KDM4E: variants seen among roughly 807,000 people sequenced by gnomAD.
KDM4E encodes lysine-specific demethylase 4E.
For missense variants in KDM4E, 576 were observed against 642.6 expected, an observed-to-expected ratio of 0.90 and a Z score of 1.12; for synonymous variants, 229 against 232.9, an observed-to-expected ratio of 0.98 and a Z score of 0.15.
rs1858269837 is a variant in KDM4E at position 95,026,533 on chromosome 11, C to T, written c.976C>T (p.Gln326Ter). 1.3e-6 allele frequency: 2 copies of T among 1,557,550 alleles called. No individual in the cohort carries two copies. The highest frequency in any genetic ancestry group is 1.7e-6 in the Non-Finnish European group (2 of 1,157,280). Residue 326 changes from glutamine (Q) to a stop codon, truncating the protein, a stop_gained, in exon 1 of 1, where the codon CAA (glutamine) becomes TAA (stop). Coordinates refer to ENST00000450979, the MANE Select transcript of KDM4E (RefSeq NM_001161630.1). LOFTEE classifies it low-confidence loss of function (END_TRUNC). ...CATGGACCCCTTTGTGCGCATTGTG[C>T]AACCCGAGAGTTATGAGCTCTGGAA... ...FSMDPFVRIV[Q>*]PESYELWKHR...
chr11:95,026,726 A>T lies in KDM4E; in HGVS notation c.1169A>T (p.His390Leu). The T allele has an allele frequency of 6.5e-7, 1 of 1,537,262 alleles. No individual in the cohort carries two copies. The highest frequency in any genetic ancestry group is 8.7e-7 in the Non-Finnish European group (1 of 1,146,902). ...CCCACACAGCCTGTGTCCTCAGGGC[A>T]CTGTTACAACCCAAAAGGCTGTGGC... ...QCPTQPVSSGHCYNPKGCGTD... is the reference protein window; with the variant it reads ...QCPTQPVSSGLCYNPKGCGTD... The change falls in exon 1 of 1, where the codon CAC becomes CTC. Residue 390 changes from histidine to leucine, a missense_variant. Physicochemically the swap from His to Leu is moderately conservative, Grantham distance 99 (BLOSUM62 -3). Transcript: ENST00000450979.
In KDM4E at chr11:95,026,814, T is replaced by C. The variant is rs1163242077; in HGVS notation, c.1257T>C (p.Leu419=). The part of the protein sequence containing the change: ...SSAYHTQTQS[L]TLGMSARVLL... ...CATATCATACCCAGACCCAGTCACT[T>C]ACCCTGGGGATGTCAGCCAGGGTTC... The change falls in exon 1 of 1, where the codon CTT becomes CTC. Residue 419 remains leucine (L), a synonymous_variant. Transcript: ENST00000450979. 21 of 1,537,136 alleles carry C rather than the reference T, an allele frequency of 1.4e-5. No individual in the cohort carries two copies. The highest frequency in any genetic ancestry group is 8.2e-5 in the African/African-American group (6 of 73,042).
In KDM4E at chr11:95,027,513, T is replaced by C; in HGVS notation, c.*435T>C. On this transcript the variant is annotated 3_prime_UTR_variant, in exon 1 of 1. Coordinates refer to ENST00000450979, the MANE Select transcript of KDM4E (RefSeq NM_001161630.1). ...CTGGATCCACGGCTATGGAATATGG[T>C]GACAAATGTCAGTGTCTCTCTTATT... is the stretch of plus-strand genomic sequence containing the variant. 5.9e-6 allele frequency: 1 copy of C among 170,374 alleles called. No homozygotes were observed. Among genetic ancestry groups the C allele is most frequent in the Non-Finnish European group, 1.3e-5 (1 of 77,260 alleles). 10.6% of individuals were successfully genotyped at this position (170,374 alleles called of 1,614,324 possible).
In KDM4E at chr11:95,026,350, G is replaced by T. The variant is rs781844599; in HGVS notation, c.793G>T (p.Ala265Ser). 12 of 1,614,114 alleles carry T rather than the reference G, an allele frequency of 7.4e-6. No individual in the cohort carries two copies. In the East Asian group the frequency reaches 1.6e-4, roughly 21 times the overall value. Residue 265 changes from alanine (A) to serine (S), a missense_variant, in exon 1 of 1, where the codon GCT becomes TCT. Physicochemically the swap from Ala to Ser is moderately conservative, Grantham distance 99. Coordinates refer to ENST00000450979, the MANE Select transcript of KDM4E (RefSeq NM_001161630.1). ...TCCCTTCAATTGCATGACTCAGGAG[G>T]CTGGGGAGTTCATGGTGACCTTTCC... is the stretch of plus-strand genomic sequence containing the variant. ...GIPFNCMTQE[A>S]GEFMVTFPYG...
chr11:95,025,813 T>C lies in KDM4E; in HGVS notation c.256T>C (p.Tyr86His), dbSNP rs782225580. The C allele has an allele frequency of 4.4e-6, 7 of 1,592,056 alleles. No individual in the cohort carries two copies. The highest frequency in any genetic ancestry group is 4.0e-5 in the African/African-American group (3 of 74,184). ...TSGQGGVFTQ[Y>H]HKKKKAMRVG... The stretch of plus-strand genomic sequence containing the variant: ...TGGGCAGGGAGGTGTGTTTACTCAA[T>C]ACCATAAAAAGAAGAAAGCCATGAG... The change falls in exon 1 of 1, where the codon TAC (tyrosine) becomes CAC (histidine). Residue 86 changes from tyrosine to histidine, a missense_variant. Coordinates refer to ENST00000450979, the MANE Select transcript of KDM4E (RefSeq NM_001161630.1).
Position 95,026,121 on chromosome 11 carries a change from GCA to G in KDM4E, c.569_570del (p.Thr190ArgfsTer46), listed in dbSNP as rs1262106216. On this transcript the variant is annotated frameshift_variant, in exon 1 of 1. Coordinates refer to ENST00000450979, the MANE Select transcript of KDM4E (RefSeq NM_001161630.1). LOFTEE classifies it low-confidence loss of function (END_TRUNC). ...GCATGTGGAAGACCACGTTTGCCTG[GCA>G]CACAGAGGACATGGACCTTTACAGC... ...FGMWKTTFAW[H>X]TEDMDLYSIN... is the part of the protein sequence containing the mutation. 2 of 1,613,966 alleles carry G rather than the reference GCA, an allele frequency of 1.2e-6. No individual in the cohort carries two copies. The highest frequency in any genetic ancestry group is 2.7e-5 in the African/African-American group (2 of 74,920).
Position 95,026,767 on chromosome 11 carries a change from G to A in KDM4E, c.1210G>A (p.Gly404Arg), listed in dbSNP as rs1354228343. The change falls in exon 1 of 1, where the codon GGA (glycine) becomes AGA (arginine). Residue 404 changes from glycine to arginine, a missense_variant. Coordinates refer to ENST00000450979, the MANE Select transcript of KDM4E (RefSeq NM_001161630.1). ...AGGCTGTGGCACTGATGCTGTGCCT[G>A]GATCCGCATTCCAAAGCTCTGCATA... The part of the protein sequence containing the change: ...PKGCGTDAVP[G>R]SAFQSSAYHT... 1.3e-6 allele frequency: 2 copies of A among 1,537,258 alleles called. No homozygotes were observed. The highest frequency in any genetic ancestry group is 2.4e-5 in the South Asian group (2 of 84,066).
chr11:95,027,224 T>C lies in KDM4E; in HGVS notation c.*146T>C. On this transcript the variant is annotated 3_prime_UTR_variant, in exon 1 of 1. Transcript: ENST00000450979. ...TCAACAGCACTACTAGTAATCTCCCTGATGTTGTCTGCATGACTCCTCCCA... is the reference window on the plus strand; with the variant it reads ...TCAACAGCACTACTAGTAATCTCCCCGATGTTGTCTGCATGACTCCTCCCA... The C allele has an allele frequency of 9.1e-7, 1 of 1,104,430 alleles. No homozygotes were observed. Among genetic ancestry groups the C allele is most frequent in the South Asian group, 1.7e-5 (1 of 60,290 alleles). The allele number at this position is 1,104,430 out of a possible 1,614,324, so 68.4% of individuals were successfully genotyped here.
In KDM4E at chr11:95,025,293, A is replaced by AC; in HGVS notation, c.-260dup. 1 of 413,132 alleles carries AC rather than the reference A, an allele frequency of 2.4e-6. No homozygotes were observed. The highest frequency in any genetic ancestry group is 4.2e-6 in the Non-Finnish European group (1 of 236,172). 25.6% of individuals were successfully genotyped at this position (413,132 alleles called of 1,614,324 possible). On this transcript the variant is annotated 5_prime_UTR_variant, in exon 1 of 1. Transcript: ENST00000450979. ...GAATCAGGAGAAGCCTCACAGTGAC[A>AC]CCCCCAACTGAGGAAACTCACAGAG...
chr11:95,027,453 T>A lies in KDM4E; in HGVS notation c.*375T>A, dbSNP rs1858285827. On this transcript the variant is annotated 3_prime_UTR_variant, in exon 1 of 1. Transcript: ENST00000450979. ...TCTGCTGGGTCTAAAGACACTGAGT[T>A]TAGGGATATTTTCCTCCAATACATG... The A allele has an allele frequency of 4.6e-6, 1 of 219,670 alleles. No homozygotes were observed. Among genetic ancestry groups the A allele is most frequent in the Admixed American group, 5.1e-5 (1 of 19,746 alleles). The allele number at this position is 219,670 out of a possible 1,614,324, so 13.6% of individuals were successfully genotyped here. A position where few individuals can be genotyped will look rare whatever the true frequency, so the allele number is the denominator to read the frequency against.
In KDM4E at chr11:95,026,603, T is replaced by C; in HGVS notation, c.1046T>C (p.Val349Ala). The change falls in exon 1 of 1, where the codon GTT (valine) becomes GCT (alanine). Residue 349 changes from valine to alanine, a missense_variant. Physicochemically the swap from Val to Ala is moderately conservative, Grantham distance 64. Transcript: ENST00000450979. ...LAIVEHTEPR[V>A]AESQELSNWR... ...ATTGTGGAACACACAGAGCCCAGGGTTGCAGAAAGCCAAGAGCTGAGCAAC... is the reference window on the plus strand; with the variant it reads ...ATTGTGGAACACACAGAGCCCAGGGCTGCAGAAAGCCAAGAGCTGAGCAAC... 1 of 1,537,290 alleles carries C rather than the reference T, an allele frequency of 6.5e-7. No homozygotes were observed. The highest frequency in any genetic ancestry group is 8.7e-7 in the Non-Finnish European group (1 of 1,146,956).
rs1345422666 is a variant in KDM4E, at chr11:95,027,468, T to A, written c.*390T>A. ...GACACTGAGTTTAGGGATATTTTCC[T>A]CCAATACATGATCAATCCTCTGGAT... On this transcript the variant is annotated 3_prime_UTR_variant, in exon 1 of 1. Transcript: ENST00000450979. The A allele has an allele frequency of 4.9e-6, 1 of 203,908 alleles. No homozygotes were observed. The highest frequency in any genetic ancestry group is 1.0e-5 in the Non-Finnish European group (1 of 99,240). The allele number at this position is 203,908 out of a possible 1,614,324, so 12.6% of individuals were successfully genotyped here. A position where few individuals can be genotyped will look rare whatever the true frequency, so the allele number is the denominator to read the frequency against.
chr11:95,026,546 A>C lies in KDM4E; in HGVS notation c.989A>C (p.Tyr330Ser), dbSNP rs1555102910. 1 of 1,546,878 alleles carries C rather than the reference A, an allele frequency of 6.5e-7. No individual in the cohort carries two copies. ...PFVRIVQPESYELWKHRQDLA... is the reference protein window; with the variant it reads ...PFVRIVQPESSELWKHRQDLA... ...GTGCGCATTGTGCAACCCGAGAGTT[A>C]TGAGCTCTGGAAACACAGGCAAGAC... The change falls in exon 1 of 1, where the codon TAT (tyrosine) becomes TCT (serine). Residue 330 changes from tyrosine (Y) to serine (S), a missense_variant. By Grantham distance (144) the Tyr-to-Ser change is moderately radical. Coordinates refer to ENST00000450979, the MANE Select transcript of KDM4E (RefSeq NM_001161630.1).
chr11:95,025,838 G>C lies in KDM4E; in HGVS notation c.281G>C (p.Arg94Thr), dbSNP rs1007426611. Residue 94 changes from arginine to threonine, a missense_variant, in exon 1 of 1, where the codon AGG (arginine) becomes ACG (threonine). By Grantham distance (71) the Arg-to-Thr change is moderately conservative. Transcript: ENST00000450979. Reference sequence around the variant, plus strand: ...TACCATAAAAAGAAGAAAGCCATGAGGGTGGGGCAGTATCGCCGCTTGGCA... The same window carrying C: ...TACCATAAAAAGAAGAAAGCCATGACGGTGGGGCAGTATCGCCGCTTGGCA... ...TQYHKKKKAM[R>T]VGQYRRLANS... The C allele has an allele frequency of 6.3e-7, 1 of 1,595,052 alleles. No individual in the cohort carries two copies. Among genetic ancestry groups the C allele is most frequent in the Non-Finnish European group, 8.5e-7 (1 of 1,176,240 alleles).
At position 95,026,172 on chromosome 11, in the gene KDM4E, G is replaced by C. The variant is rs2134129599; in HGVS notation, c.615G>C (p.Glu205Asp). Residue 205 changes from glutamate to aspartate, a missense_variant, in exon 1 of 1, where the codon GAG becomes GAC. By Grantham distance (45) the Glu-to-Asp change is conservative. Transcript: ENST00000450979. ...LYSINYLHFGEPKTWYVVPPE... is the reference protein window; with the variant it reads ...LYSINYLHFGDPKTWYVVPPE... ...GCATCAACTACCTGCACTTTGGGGA[G>C]CCCAAAACTTGGTACGTGGTGCCCC... The C allele has an allele frequency of 6.2e-7, 1 of 1,614,170 alleles. No homozygotes were observed. The highest frequency in any genetic ancestry group is 1.3e-5 in the African/African-American group (1 of 75,042).
rs1488649061 is a variant in KDM4E at position 95,026,836 on chromosome 11, GTTC to G, written c.1284_1286del (p.Leu429del). 24 of 1,537,132 alleles carry G rather than the reference GTTC, an allele frequency of 1.6e-5. No homozygotes were observed. The highest frequency in any genetic ancestry group is 1.9e-5 in the Non-Finnish European group (22 of 1,146,912). On this transcript the variant is annotated inframe_deletion, in exon 1 of 1. Transcript: ENST00000450979. The stretch of plus-strand genomic sequence containing the variant: ...ACTTACCCTGGGGATGTCAGCCAGG[GTTC>G]TTCTCCCTTCCACTGGAAGCTGGGG...
Position 95,027,372 on chromosome 11 carries a change from G to C in KDM4E, c.*294G>C. On this transcript the variant is annotated 3_prime_UTR_variant, in exon 1 of 1. Transcript: ENST00000450979. The stretch of plus-strand genomic sequence containing the variant: ...GCTGTAGCAATGGACCACTTTTACG[G>C]CTCTAGGGTTCTGACTCCAACTAAG... The C allele has an allele frequency of 2.4e-6, 1 of 413,462 alleles. No individual in the cohort carries two copies. Among genetic ancestry groups the C allele is most frequent in the Non-Finnish European group, 4.3e-6 (1 of 230,744 alleles). 25.6% of individuals were successfully genotyped at this position (413,462 alleles called of 1,614,324 possible). A position where few individuals can be genotyped will look rare whatever the true frequency, so the allele number is the denominator to read the frequency against.
rs1224204801 is a variant in KDM4E, at chr11:95,025,503, A to G, written c.-55A>G. The G allele has an allele frequency of 2.7e-6, 4 of 1,467,164 alleles. No homozygotes were observed. Among genetic ancestry groups the G allele is most frequent in the Non-Finnish European group, 3.6e-6 (4 of 1,112,668 alleles). The allele number at this position is 1,467,164 out of a possible 1,614,324, so 90.9% of individuals were successfully genotyped here. ...AAAGAAATTACTCCCCAGAACTCTCAGGCATCTAGAGGACACCCAAGAACG... is the reference window on the plus strand; with the variant it reads ...AAAGAAATTACTCCCCAGAACTCTCGGGCATCTAGAGGACACCCAAGAACG... On this transcript the variant is annotated 5_prime_UTR_variant, in exon 1 of 1. Transcript: ENST00000450979.
At position 95,026,887 on chromosome 11, in the gene KDM4E, G is replaced by C. The variant is rs1858276247; in HGVS notation, c.1330G>C (p.Gly444Arg). 6.5e-7 allele frequency: 1 copy of C among 1,537,150 alleles called. No homozygotes were observed. Among genetic ancestry groups the C allele is most frequent in the East Asian group, 2.4e-5 (1 of 40,914 alleles). Residue 444 changes from glycine (G) to arginine (R), a missense_variant, in exon 1 of 1, where the codon GGT becomes CGT. Physicochemically the swap from Gly to Arg is moderately radical, Grantham distance 125 (BLOSUM62 -2). Transcript: ENST00000450979. ...SWGSGRGRGR[G>R]QGQGRGCSRG... ...GGGTTCTGGTCGTGGTCGTGGTCGT[G>C]GTCAAGGTCAAGGTCGAGGTTGCAG...
Sources: allele counts gnomAD v4.1 joint callset, GRCh38; gene constraint gnomAD v4.1.1; transcripts MANE v1.5; gene names NCBI Gene and HGNC (gene_info 2026-07-23, HGNC 2026-07-21).